Variants in FNDC1 observed in about 807,000 individuals in gnomAD.
FNDC1 encodes fibronectin type III domain containing 1, also known as fibronectin type III domain-containing protein 1.
A neutral mutation model predicts 168.0 loss-of-function variants in FNDC1; 96 were observed. That is an observed-to-expected ratio of 0.57 (90% CI 0.48 to 0.68). The LOEUF is 0.68. Ranked by LOEUF, FNDC1 falls within the 30% of genes least tolerant of loss-of-function variation. FNDC1 has a pLI of 0.00. For missense variants in FNDC1, 2,587 were observed against 2,482.1 expected (o/e 1.04, Z -0.90); for synonymous variants, 1,099 against 1,025.9 (o/e 1.07, Z -1.36).
At position 159,182,211 on chromosome 6, in the gene FNDC1, T is replaced by A. The variant is rs115026408; in HGVS notation, c.109+12506T>A. ...AACACTAGATATCATCTGAGCAGAT[T>A]GTGTGTCCCTCTTAACAAGCATGCG... On this transcript the variant is annotated intron_variant, in intron 1 of 22. Transcript: ENST00000297267. 2.9e-3 allele frequency among the ~76,000 whole-genome samples: 449 copies of A among 152,292 alleles called. 3 individuals are homozygous for A. Among genetic ancestry groups the A allele is most frequent in the African/African-American group, 0.011 (437 of 41,570 alleles).
At chr6:159,228,995 T>C (rs1468717438) in intron 9 of FNDC1, among the ~76,000 whole-genome samples, 1 of 152,232 alleles carries the variant, frequency 6.6e-6, no homozygotes, top group East Asian at 1.9e-4. Flanking sequence ...ATTAATTTGA[T>C]GTTTTGTAAA....
In FNDC1 at chr6:159,232,707, C is replaced by T; in HGVS notation, c.2195C>T (p.Thr732Ile). ...PHGGSSRLLP[T>I]QPHLSSPLSK... ...GGGGGATCATCTCGGCTGCTGCCCA[C>T]CCAGCCACACCTGAGCTCTCCACTT... Residue 732 changes from threonine (T) to isoleucine (I), a missense_variant, in exon 11 of 23, where the codon ACC (threonine) becomes ATC (isoleucine). Coordinates refer to ENST00000297267, the MANE Select transcript of FNDC1 (RefSeq NM_032532.3). The surrounding 1 kb of genome is among the most constrained non-coding windows in gnomAD (Gnocchi z 4.9). 1 of 1,613,950 alleles carries T rather than the reference C, an allele frequency of 6.2e-7. No homozygotes were observed. Among genetic ancestry groups the T allele is most frequent in the South Asian group, 1.1e-5 (1 of 91,078 alleles).
rs950310067 is a variant in FNDC1, at chr6:159,232,274, A to C, written c.1762A>C (p.Met588Leu). 6.2e-7 allele frequency: 1 copy of C among 1,610,900 alleles called. No individual in the cohort carries two copies. Among genetic ancestry groups the C allele is most frequent in the Non-Finnish European group, 8.5e-7 (1 of 1,178,546 alleles). The change falls in exon 11 of 23, where the codon ATG becomes CTG. Residue 588 changes from methionine to leucine, a missense_variant. Transcript: ENST00000297267. The surrounding 1 kb of genome is among the most constrained non-coding windows in gnomAD (Gnocchi z 4.9). ...APGRTAVRAR[M>L]PALPRREGVD... ...CGGCAGGACTGCAGTGAGGGCCCGG[A>C]TGCCAGCGCTGCCCCGAAGGGAAGG... is the stretch of plus-strand genomic sequence containing the variant.
rs1204244212 is a variant in FNDC1 at position 159,271,387 on chromosome 6, C to A, written c.5630C>A (p.Pro1877His). 9 of 1,612,816 alleles carry A rather than the reference C, an allele frequency of 5.6e-6. No individual in the cohort carries two copies. Among genetic ancestry groups the A allele is most frequent in the Non-Finnish European group, 7.6e-6 (9 of 1,179,510 alleles). Residue 1877 changes from proline (P) to histidine (H), a missense_variant, in exon 23 of 23, where the codon CCC (proline) becomes CAC (histidine). Pro to His is a moderately conservative substitution (Grantham distance 77). Coordinates refer to ENST00000297267, the MANE Select transcript of FNDC1 (RefSeq NM_032532.3). ...TTTGGGAACATCGGCTTCGGAACCC[C>A]CTACTACTATGTGGGCTGGTACGAG... ...VRFGNIGFGT[P>H]YYYVGWYECG...
chr6:159,231,144 G>A (rs1264704149), intron 10 of FNDC1, among the ~76,000 whole-genome samples: 1 of 28,922 alleles, frequency 3.5e-5, no homozygotes, highest in African/African-American at 5.4e-5. Flanking sequence ...GGGAGGCCGA[G>A]GCGGGTGGAT....
chr6:159,185,378 T>C (rs1210964336), intron 1 of FNDC1, among the ~76,000 whole-genome samples: 5 of 152,234 alleles, frequency 3.3e-5, no homozygotes, highest in African/African-American at 9.6e-5. Flanking sequence ...ATCAGGAAGA[T>C]GATTTGATTT....
chr6:159,181,138 C>T (rs1781869154), intron 1 of FNDC1, among the ~76,000 whole-genome samples: 1 of 152,204 alleles, frequency 6.6e-6, no homozygotes, highest in Non-Finnish European at 1.5e-5. Context: ...ACCTCGACAG[C>T]ATCTGTTGTT....
At chr6:159,241,515 G>A (rs1026853493) in intron 14 of FNDC1, among the ~76,000 whole-genome samples, 3 of 152,146 alleles carry the variant, frequency 2.0e-5, no homozygotes, top group African/African-American at 7.2e-5. Flanking sequence ...CCTAGTCGAA[G>A]CTAAAGAATA....
rs1782687312 is a variant in FNDC1, at chr6:159,215,290, A to G, written c.667+139A>G. 8.5e-6 allele frequency: 7 copies of G among 825,394 alleles called. No individual in the cohort carries two copies. In the South Asian group the frequency reaches 1.1e-4, roughly 13 times the overall value. 51.1% of individuals were successfully genotyped at this position (825,394 alleles called of 1,614,324 possible). On this transcript the variant is annotated intron_variant, in intron 5 of 22. Coordinates refer to ENST00000297267, the MANE Select transcript of FNDC1 (RefSeq NM_032532.3). Reference sequence around the variant, plus strand: ...AGATGTTACAATGATTTGAATCTCTACTGTTTCTTCCATGTCCATCCTGGA... The same window carrying G: ...AGATGTTACAATGATTTGAATCTCTGCTGTTTCTTCCATGTCCATCCTGGA...
chr6:159,256,604 C>G lies in FNDC1; in HGVS notation c.5147C>G (p.Pro1716Arg), dbSNP rs922785828. ...STQASSVTHL[P>R]IENLKPNTRY... The stretch of plus-strand genomic sequence containing the variant: ...CAAGCTTCATCAGTAACTCACTTGC[C>G]CATTGAGAACCTAAAGCCCAACACG... Residue 1716 changes from proline (P) to arginine (R), a missense_variant, in exon 18 of 23, where the codon CCC becomes CGC. Physicochemically the swap from Pro to Arg is moderately radical, Grantham distance 103. Transcript: ENST00000297267. The G allele has an allele frequency of 2.5e-6, 4 of 1,613,594 alleles. No individual in the cohort carries two copies. In the African/African-American group the frequency reaches 4.0e-5, roughly 16 times the overall value.
At chr6:159,184,147 G>T (rs1241753985) in intron 1 of FNDC1, among the ~76,000 whole-genome samples, 1 of 152,228 alleles carries the variant, frequency 6.6e-6, no homozygotes, top group African/African-American at 2.4e-5. Flanking sequence ...GCAGTGCACA[G>T]GCTTTGAAAT....
At position 159,256,620 on chromosome 6, in the gene FNDC1, G is replaced by A; in HGVS notation, c.5163G>A (p.Lys1721=). 1 of 1,610,840 alleles carries A rather than the reference G, an allele frequency of 6.2e-7. No homozygotes were observed. The highest frequency in any genetic ancestry group is 8.5e-7 in the Non-Finnish European group (1 of 1,177,022). The part of the protein sequence containing the change: ...SVTHLPIENL[K]PNTRYYFKVQ... ...CTCACTTGCCCATTGAGAACCTAAA[G>A]CCCAACACGAGGTACGATGTGTCAG... Residue 1721 remains lysine (K), a synonymous_variant, in exon 18 of 23, where the codon AAG becomes AAA. Coordinates refer to ENST00000297267, the MANE Select transcript of FNDC1 (RefSeq NM_032532.3).
At position 159,200,102 on chromosome 6, in the gene FNDC1, A is replaced by G; in HGVS notation, c.391+20A>G. 1.3e-6 allele frequency: 2 copies of G among 1,542,982 alleles called. No homozygotes were observed. The highest frequency in any genetic ancestry group is 1.8e-6 in the Non-Finnish European group (2 of 1,129,496). Reference sequence around the variant, plus strand: ...CACCTGGTAAGTCCTATCTAGAATCAGAGGCTGTAGTGTTGTTACTTAGAT... The same window carrying G: ...CACCTGGTAAGTCCTATCTAGAATCGGAGGCTGTAGTGTTGTTACTTAGAT... On this transcript the variant is annotated intron_variant, in intron 3 of 22. Coordinates refer to ENST00000297267, the MANE Select transcript of FNDC1 (RefSeq NM_032532.3).
Position 159,266,124 on chromosome 6 carries a change from T to A in FNDC1, c.5325T>A (p.Asp1775Glu). 6.2e-7 allele frequency: 1 copy of A among 1,613,880 alleles called. No homozygotes were observed. Among genetic ancestry groups the A allele is most frequent in the Non-Finnish European group, 8.5e-7 (1 of 1,179,844 alleles). Residue 1775 changes from aspartate (D) to glutamate (E), a missense_variant, in exon 21 of 23, where the codon GAT becomes GAA. Physicochemically the swap from Asp to Glu is conservative, Grantham distance 45. Coordinates refer to ENST00000297267, the MANE Select transcript of FNDC1 (RefSeq NM_032532.3). Reference sequence around the variant, plus strand: ...GGATCCCATTCGCTTTCAAACATGATCCCAGCTACACGGACTGCCATGGAC... The same window carrying A: ...GGATCCCATTCGCTTTCAAACATGAACCCAGCTACACGGACTGCCATGGAC... ...PIWIPFAFKH[D>E]PSYTDCHGRQ... is the part of the protein sequence containing the mutation.
At position 159,269,589 on chromosome 6, in the gene FNDC1, GTCTGTCTGTCTATCTA is replaced by G. The variant is rs745652993; in HGVS notation, c.5569+1667_5569+1682del. The stretch of plus-strand genomic sequence containing the variant: ...ATCCATCTATCCTATCTGTCTGTCT[GTCTGTCTGTCTATCTA>G]TCTATCTATCTATCTATCTATCTAT... On this transcript the variant is annotated intron_variant, in intron 22 of 22. Coordinates refer to ENST00000297267, the MANE Select transcript of FNDC1 (RefSeq NM_032532.3). Among the ~76,000 whole-genome samples the G allele has an allele frequency of 9.3e-3, 938 of 100,378 alleles. 6 individuals carry two copies. Among genetic ancestry groups the G allele is most frequent in the African/African-American group, 0.019 (408 of 21,988 alleles). 65.9% of individuals were successfully genotyped at this position (100,378 alleles called of 152,430 possible). A position where few individuals can be genotyped will look rare whatever the true frequency, so the allele number is the denominator to read the frequency against.
At chr6:159,256,921 C>T (rs486819) in intron 18 of FNDC1, among the ~76,000 whole-genome samples, 3 of 152,120 alleles carry the variant, frequency 2.0e-5, no homozygotes. Context: ...TTGAAAGAAT[C>T]GGTCCATTTT....
intron 16 of FNDC1, 52 bp from the exon 17 acceptor site, chr6:159,251,250 C>G: frequency 7.4e-7 from 1 of 1,358,374 alleles, no homozygotes; most frequent in Non-Finnish European, 1.0e-6. Flanking sequence ...TATGTTTCTG[C>G]CTCCAGAAAA....
chr6:159,247,061 G>A, intron 15 of FNDC1, 92 bp downstream of exon 15: 1 of 1,011,144 alleles, frequency 9.9e-7, no homozygotes, highest in Non-Finnish European at 1.6e-6. Flanking sequence ...CTTGATGGAA[G>A]TTTCCTTTAG....
At chr6:159,198,963 G>A (rs1015147942) in intron 2 of FNDC1, among the ~76,000 whole-genome samples, 1 of 152,234 alleles carries the variant, frequency 6.6e-6, no homozygotes, top group Non-Finnish European at 1.5e-5. Context: ...GATCACAGCA[G>A]GCATCCCAGG....
Sources: allele counts gnomAD v4.1 joint callset (sites outside exome capture counted in the v4.1 genomes callset), GRCh38; gene constraint gnomAD v4.1.1; non-coding constraint Gnocchi (gnomAD v3.1); transcripts MANE v1.5; gene names NCBI Gene and HGNC (gene_info 2026-07-23, HGNC 2026-07-21).